NELL1: variants seen among roughly 807,000 people sequenced by gnomAD.
NELL1 encodes the protein neural EGFL like 1, also known as protein kinase C-binding protein NELL1.
A neutral mutation model predicts 107.4 loss-of-function variants in NELL1; 76 were observed. That is an observed-to-expected ratio of 0.71 (90% CI 0.59 to 0.86). The LOEUF (loss-of-function observed/expected upper bound fraction) is 0.86. NELL1 is among the 40% of genes least tolerant of loss of function. The pLI, the probability that NELL1 is intolerant of heterozygous loss-of-function variation, is 0.00. For missense variants in NELL1, 1,024 were observed against 1,005.5 expected (o/e 1.02, Z -0.25); for synonymous variants, 353 against 341.2 (o/e 1.03, Z -0.38).
At chr11:21,547,180 T>C (rs1303127300) in intron 16 of NELL1, among the ~76,000 whole-genome samples, 2 of 151,966 alleles carry the variant, frequency 1.3e-5, no homozygotes, top group African/African-American at 4.8e-5. Flanking sequence ...GCAATGTATA[T>C]GGTAATCTTT....
chr11:21,043,252 G>A (rs1378837825), intron 12 of NELL1, among the ~76,000 whole-genome samples: 1 of 152,062 alleles, frequency 6.6e-6, no homozygotes, highest in Non-Finnish European at 1.5e-5. Flanking sequence ...GTTCATTGCA[G>A]GGGATATAAC....
intron 15 of NELL1, among the ~76,000 whole-genome samples, chr11:21,470,112 C>G (rs549379150): frequency 6.6e-6 from 1 of 152,082 alleles, no homozygotes; most frequent in African/African-American, 2.4e-5. Context: ...TTAATTCTTA[C>G]CACTACCTTA....
chr11:21,465,887 C>G (rs890338672), intron 15 of NELL1, among the ~76,000 whole-genome samples: 8 of 152,176 alleles, frequency 5.3e-5, no homozygotes, highest in African/African-American at 1.9e-4. Context: ...TAAGCCATAG[C>G]ACCAGAGAAG....
intron 13 of NELL1, among the ~76,000 whole-genome samples, chr11:21,179,882 T>TTTTTTG (rs1448087559): frequency 7.0e-6 from 1 of 143,538 alleles, no homozygotes; most frequent in Non-Finnish European, 1.5e-5. Flanking sequence ...TTTTTTTTTT[T>TTTTTTG]TTTTTGTAAA....
chr11:20,783,849 C>T lies in NELL1; in HGVS notation c.335+19C>T. On this transcript the variant is annotated intron_variant, in intron 3 of 19. Coordinates refer to ENST00000357134, the MANE Select transcript of NELL1 (RefSeq NM_006157.5). ...AGCACAGGTAAGAAAGCTCTTTCTG[C>T]TTTTGAAAATCTCCTTAGAGTTAAT... 6.3e-7 allele frequency: 1 copy of T among 1,595,676 alleles called. No individual in the cohort carries two copies. Among genetic ancestry groups the T allele is most frequent in the Non-Finnish European group, 8.5e-7 (1 of 1,170,854 alleles).
intron 12 of NELL1, among the ~76,000 whole-genome samples, chr11:21,110,374 G>A (rs1220816401): frequency 6.6e-6 from 1 of 152,072 alleles, no homozygotes; most frequent in African/African-American, 2.4e-5. Context: ...ATTCTCACTG[G>A]GGTTTTCTAA....
chr11:20,924,454 G>A (rs183916392), intron 7 of NELL1, among the ~76,000 whole-genome samples: 3 of 152,136 alleles, frequency 2.0e-5, no homozygotes, highest in Admixed American at 6.5e-5. Context: ...CTTGAGAATA[G>A]CATTCATTAT....
intron 17 of NELL1, among the ~76,000 whole-genome samples, chr11:21,562,545 C>T (rs1856875179): frequency 1.3e-5 from 2 of 152,106 alleles, no homozygotes; most frequent in African/African-American, 2.4e-5. Flanking sequence ...CTGTAAGTCA[C>T]CATTATAAAA....
intron 14 of NELL1, among the ~76,000 whole-genome samples, chr11:21,272,538 C>G (rs1355507097): frequency 6.6e-6 from 1 of 152,216 alleles, no homozygotes; most frequent in African/African-American, 2.4e-5. Flanking sequence ...CCCTGTCTGA[C>G]AGCCTTGAAG....
intron 14 of NELL1, among the ~76,000 whole-genome samples, chr11:21,369,203 C>T (rs1851301061): frequency 6.6e-6 from 1 of 151,996 alleles, no homozygotes; most frequent in Admixed American, 6.6e-5. Context: ...GGCTTTCCAT[C>T]TGTTATTTTT....
intron 13 of NELL1, among the ~76,000 whole-genome samples, chr11:21,219,985 A>G (rs975774600): frequency 2.6e-5 from 4 of 152,186 alleles, no homozygotes; most frequent in Non-Finnish European, 4.4e-5. Context: ...GGAAGAGAGC[A>G]AAGAGGAGGT....
intron 13 of NELL1, among the ~76,000 whole-genome samples, chr11:21,177,799 T>G (rs1856744219): frequency 6.6e-6 from 1 of 151,884 alleles, no homozygotes; most frequent in African/African-American, 2.4e-5. Flanking sequence ...TCATTTTTTT[T>G]ATAATCGTTC....
chr11:21,542,720 A>T (rs142349479), intron 16 of NELL1, among the ~76,000 whole-genome samples: 3 of 152,082 alleles, frequency 2.0e-5, no homozygotes, highest in Non-Finnish European at 4.4e-5. Flanking sequence ...TGAGAAAATG[A>T]TCGGCAGATT....
intron 15 of NELL1, among the ~76,000 whole-genome samples, chr11:21,516,204 A>G (rs1004623568): frequency 6.6e-6 from 1 of 152,164 alleles, no homozygotes; most frequent in African/African-American, 2.4e-5. Context: ...TAGTGTTCTA[A>G]TCTATAAAAT....
chr11:21,511,955 G>A (rs899527617), intron 15 of NELL1, among the ~76,000 whole-genome samples: 10 of 152,176 alleles, frequency 6.6e-5, no homozygotes, highest in Non-Finnish European at 1.3e-4. Flanking sequence ...TCATAACAAA[G>A]AGGACATAAT....
intron 15 of NELL1, among the ~76,000 whole-genome samples, chr11:21,470,294 A>C (rs1323551697): frequency 6.6e-6 from 1 of 151,976 alleles, no homozygotes; most frequent in Non-Finnish European, 1.5e-5. Flanking sequence ...CTTTGCTTAG[A>C]CTCGAGAGAG....
rs772481505 is a variant in NELL1 at position 21,536,380 on chromosome 11, T to C, written c.1786+1866T>C. ...CCTGCCATGGGACTGCACACTTCTC[T>C]GCCTTTATATACGTTGTCCCTCTGG... is the stretch of plus-strand genomic sequence containing the variant. On this transcript the variant is annotated intron_variant, in intron 16 of 19. Transcript: ENST00000357134. Among the ~76,000 whole-genome samples, 290 of 152,322 alleles carry C rather than the reference T, an allele frequency of 1.9e-3. 1 individual carries two copies. The highest frequency in any genetic ancestry group is 5.6e-3 in the Admixed American group (86 of 15,290).
At chr11:21,040,153 A>G (rs1259561815) in intron 12 of NELL1, among the ~76,000 whole-genome samples, 1 of 149,420 alleles carries the variant, frequency 6.7e-6, no homozygotes, top group Admixed American at 6.7e-5. Context: ...TGAAATTATT[A>G]CACACACACA....
chr11:21,227,286 A>T (rs190429612), intron 13 of NELL1, among the ~76,000 whole-genome samples: 1 of 152,066 alleles, frequency 6.6e-6, no homozygotes, highest in East Asian at 1.9e-4. Flanking sequence ...GGTCATTCTG[A>T]GTTATGCTTG....
Sources: allele counts gnomAD v4.1 joint callset (sites outside exome capture counted in the v4.1 genomes callset), GRCh38; gene constraint gnomAD v4.1.1; transcripts MANE v1.5; gene names NCBI Gene and HGNC (gene_info 2026-07-23, HGNC 2026-07-21).